The following CACNA2D3 variants were observed in gnomAD, a reference collection of about 807,000 sequenced individuals.
CACNA2D3 encodes the protein calcium voltage-gated channel auxiliary subunit alpha2delta 3, also known as voltage-dependent calcium channel subunit alpha-2/delta-3.
In CACNA2D3, 60 loss-of-function variants were observed where a neutral mutation model predicts 160.6. That is an observed-to-expected ratio of 0.37 (90% CI 0.30 to 0.46). The LOEUF (loss-of-function observed/expected upper bound fraction) is 0.46, where lower values mean the gene tolerates loss of function less well. Among genes scored for constraint, CACNA2D3 ranks in the 20% least tolerant of loss-of-function variants. The pLI, the probability that CACNA2D3 is intolerant of heterozygous loss-of-function variation, is 1.00. For synonymous variants in CACNA2D3, 558 were observed against 492.9 expected, an observed-to-expected ratio of 1.13 and a Z score of -1.75; for missense variants, 1,205 against 1,365.0, an observed-to-expected ratio of 0.88 and a Z score of 1.85.
chr3:54,470,784 C>G (rs549590866), intron 4 of CACNA2D3, among the ~76,000 whole-genome samples: 131 of 152,250 alleles, frequency 8.6e-4, no homozygotes, highest in Admixed American at 8.4e-3. Context: ...ATAAAACAGA[C>G]TTTAAACCAA....
rs573380141 is a variant in CACNA2D3, at chr3:54,636,562, C to T, written c.1054-5566C>T. 1.1e-4 allele frequency among the ~76,000 whole-genome samples: 16 copies of T among 152,052 alleles called. No homozygotes were observed. In the South Asian group the frequency reaches 1.2e-3, roughly 12 times the overall value. The stretch of plus-strand genomic sequence containing the variant: ...AGGGCCTCTAAAAGTATTAAAGCAG[C>T]GGCAGCCTCTGCACGCAGACATGAG... On this transcript the variant is annotated intron_variant, in intron 10 of 37. Coordinates refer to ENST00000474759, the MANE Select transcript of CACNA2D3 (RefSeq NM_018398.3).
intron 2 of CACNA2D3, among the ~76,000 whole-genome samples, chr3:54,198,059 G>A (rs970771538): frequency 3.9e-5 from 6 of 152,194 alleles, no homozygotes; most frequent in African/African-American, 1.4e-4. Context: ...GAGAGTCAGA[G>A]GCCAGACTGC....
intron 27 of CACNA2D3, among the ~76,000 whole-genome samples, chr3:54,962,271 A>G (rs1386138927): frequency 2.0e-5 from 3 of 152,130 alleles, no homozygotes; most frequent in African/African-American, 7.2e-5. Context: ...AAAAAGATTA[A>G]TTCTCTAAGA....
intron 4 of CACNA2D3, among the ~76,000 whole-genome samples, chr3:54,496,341 A>C (rs1192960173): frequency 6.6e-6 from 1 of 152,216 alleles, no homozygotes; most frequent in Non-Finnish European, 1.5e-5. Flanking sequence ...TAATGTCAGC[A>C]CTTCTAGTGG....
chr3:54,400,941 A>T (rs1699449954), intron 4 of CACNA2D3, among the ~76,000 whole-genome samples: 1 of 152,198 alleles, frequency 6.6e-6, no homozygotes, highest in Admixed American at 6.5e-5. Context: ...ATTCAGAATA[A>T]TGATTGTGAG....
intron 27 of CACNA2D3, among the ~76,000 whole-genome samples, chr3:54,924,062 C>A (rs1245482421): frequency 2.6e-5 from 4 of 152,296 alleles, no homozygotes; most frequent in African/African-American, 9.6e-5. Flanking sequence ...AGTCTGAGAT[C>A]TCTTGCTTTG....
At position 54,456,116 on chromosome 3, in the gene CACNA2D3, T is replaced by C. The variant is rs113198696; in HGVS notation, c.382-47376T>C. Among the ~76,000 whole-genome samples the C allele has an allele frequency of 6.1e-3, 930 of 152,250 alleles. 6 individuals are homozygous for C. Among genetic ancestry groups the C allele is most frequent in the African/African-American group, 0.021 (883 of 41,564 alleles). On this transcript the variant is annotated intron_variant, in intron 4 of 37. Transcript: ENST00000474759. Reference sequence around the variant, plus strand: ...CATTAGTATTTTGATAGAGATTGCATTGAATCTGTAGATTGCTTTGGGTAG... The same window carrying C: ...CATTAGTATTTTGATAGAGATTGCACTGAATCTGTAGATTGCTTTGGGTAG...
In CACNA2D3 at chr3:54,899,839, T is replaced by C; in HGVS notation, c.2420T>C (p.Leu807Pro). ...VVTASTSIQL[L>P]DERKSPVVAA... ...ACAGCAAGTACATCCATCCAGCTCC[T>C]GGATGAACGGAAATCTCCTGTGGTG... Residue 807 changes from leucine (L) to proline (P), a missense_variant, in exon 27 of 38, where the codon CTG becomes CCG. Physicochemically the swap from Leu to Pro is moderately conservative, Grantham distance 98. Transcript: ENST00000474759. 1 of 1,607,196 alleles carries C rather than the reference T, an allele frequency of 6.2e-7. No individual in the cohort carries two copies. Among genetic ancestry groups the C allele is most frequent in the Non-Finnish European group, 8.5e-7 (1 of 1,176,730 alleles).
chr3:54,256,098 T>G lies in CACNA2D3; in HGVS notation c.205-64344T>G, dbSNP rs944624607. ...CACTGGGCTATAGCCTGAGAAAAGG[T>G]TGTATACACAGGATCTTGGAAAGGG... is the stretch of plus-strand genomic sequence containing the variant. On this transcript the variant is annotated intron_variant, in intron 2 of 37. Transcript: ENST00000474759. Among the ~76,000 whole-genome samples the G allele has an allele frequency of 4.6e-5, 7 of 152,168 alleles. 1 individual carries two copies. The South Asian group carries it at 8.3e-4, about 18-fold the overall frequency.
chr3:54,763,860 T>C (rs1238944809), intron 12 of CACNA2D3, among the ~76,000 whole-genome samples: 3 of 4,384 alleles, frequency 6.8e-4, no homozygotes, highest in Admixed American at 5.6e-3. Flanking sequence ...TATATATACA[T>C]ATATATATAC....
intron 29 of CACNA2D3, among the ~76,000 whole-genome samples, chr3:54,981,999 AG>A (rs1183931354): frequency 6.6e-6 from 1 of 152,188 alleles, no homozygotes; most frequent in Non-Finnish European, 1.5e-5. Context: ...CACCTATTGC[AG>A]TGAAACTAAA....
chr3:54,540,935 G>A (rs1484017263), intron 5 of CACNA2D3, among the ~76,000 whole-genome samples: 8 of 152,064 alleles, frequency 5.3e-5, no homozygotes, highest in African/African-American at 1.9e-4. Flanking sequence ...TTGAGATGAA[G>A]TCATACTGGA....
intron 32 of CACNA2D3, among the ~76,000 whole-genome samples, chr3:55,005,452 A>G (rs994892431): frequency 6.6e-6 from 1 of 152,196 alleles, no homozygotes; most frequent in Non-Finnish European, 1.5e-5. Flanking sequence ...TCATTTGTAT[A>G]TAAAAGAACT....
intron 10 of CACNA2D3, among the ~76,000 whole-genome samples, chr3:54,630,644 C>T (rs1194604938): frequency 3.3e-5 from 5 of 152,188 alleles, no homozygotes; most frequent in African/African-American, 1.2e-4. Flanking sequence ...GTAGAAGTTA[C>T]AGCTCACCAA....
chr3:54,470,960 T>A (rs1372157711), intron 4 of CACNA2D3, among the ~76,000 whole-genome samples: 1 of 152,096 alleles, frequency 6.6e-6, no homozygotes, highest in Admixed American at 6.5e-5. Context: ...CACACAATAA[T>A]AATGAGAGAC....
At chr3:54,934,755 CAG>C (rs577837650) in intron 27 of CACNA2D3, among the ~76,000 whole-genome samples, 54 of 152,206 alleles carry the variant, frequency 3.5e-4, no homozygotes, top group African/African-American at 1.2e-3. Flanking sequence ...TTTGTTGAGA[CAG>C]AGTGTCACCT....
chr3:54,742,702 A>C (rs1009674893), intron 11 of CACNA2D3, among the ~76,000 whole-genome samples: 1 of 152,206 alleles, frequency 6.6e-6, no homozygotes, highest in Non-Finnish European at 1.5e-5. Flanking sequence ...TCTTTTCCCT[A>C]CTAGGGAATC....
At chr3:54,984,097 CT>C (rs1004742757) in intron 29 of CACNA2D3, among the ~76,000 whole-genome samples, 20 of 152,304 alleles carry the variant, frequency 1.3e-4, no homozygotes, top group African/African-American at 4.3e-4. Flanking sequence ...CCCTTCCCCC[CT>C]GCCTCAGTCT....
intron 4 of CACNA2D3, among the ~76,000 whole-genome samples, chr3:54,397,558 C>A (rs1432328687): frequency 1.4e-5 from 2 of 144,252 alleles, no homozygotes; most frequent in African/African-American, 2.6e-5. Context: ...TTATTTCTGT[C>A]TTCATTTCGT....
Sources: gnomAD v4.1 joint callset for allele counts (sites outside exome capture counted in the v4.1 genomes callset) on GRCh38, gnomAD v4.1.1 for gene constraint, MANE v1.5 for transcripts, NCBI Gene and HGNC (gene_info 2026-07-23, HGNC 2026-07-21) for gene names.